Variants in LRP1B observed in about 807,000 individuals in gnomAD.
LRP1B encodes low-density lipoprotein receptor-related protein 1B.
In LRP1B, 217 loss-of-function variants were observed where a neutral mutation model predicts 556.6. That is an observed-to-expected ratio of 0.39 (90% CI 0.35 to 0.44). LRP1B has a LOEUF of 0.44. Ranked by LOEUF, LRP1B falls within the 20% of genes least tolerant of loss-of-function variation. LRP1B has a pLI of 1.00. For missense variants in LRP1B, 5,053 were observed against 5,620.8 expected (o/e 0.90, Z 3.23); for synonymous variants, 2,047 against 1,865.8 (o/e 1.10, Z -2.50).
intron 32 of LRP1B, among the ~76,000 whole-genome samples, chr2:140,805,710 T>A (rs1007488513): frequency 6.6e-6 from 1 of 152,294 alleles, no homozygotes; most frequent in African/African-American, 2.4e-5. Flanking sequence ...CACTAATGGA[T>A]GGATCAACAC....
intron 1 of LRP1B, among the ~76,000 whole-genome samples, chr2:141,840,197 T>A (rs183611134): frequency 6.6e-6 from 1 of 151,824 alleles, no homozygotes; most frequent in African/African-American, 2.4e-5. Context: ...GAGGTTATAT[T>A]TGAAAAAGAA....
chr2:141,990,368 A>T (rs1702310528), intron 1 of LRP1B, among the ~76,000 whole-genome samples: 1 of 152,106 alleles, frequency 6.6e-6, no homozygotes, highest in South Asian at 2.1e-4. Context: ...GATATGAAGC[A>T]TCTCTACATT....
chr2:141,119,152 G>C (rs1268060314), intron 7 of LRP1B, among the ~76,000 whole-genome samples: 3 of 151,842 alleles, frequency 2.0e-5, no homozygotes, highest in Non-Finnish European at 4.4e-5. Flanking sequence ...ACAATTTTGA[G>C]ATAATATAGA....
At chr2:140,491,618 G>A (rs1381212675) in intron 57 of LRP1B, among the ~76,000 whole-genome samples, 4 of 151,936 alleles carry the variant, frequency 2.6e-5, no homozygotes. Context: ...AGATAAACTA[G>A]GAAACTATTT....
At chr2:141,985,526 A>T (rs1702163093) in intron 1 of LRP1B, among the ~76,000 whole-genome samples, 1 of 151,452 alleles carries the variant, frequency 6.6e-6, no homozygotes. Context: ...TGGGGGGGGT[A>T]TCTTTTCCAT....
intron 1 of LRP1B, among the ~76,000 whole-genome samples, chr2:141,821,671 C>T (rs768162087): frequency 1.3e-5 from 2 of 151,802 alleles, no homozygotes; most frequent in Non-Finnish European, 2.9e-5. Flanking sequence ...TGATAATGTC[C>T]TTCACCAAAA....
At chr2:141,660,326 G>C (rs936051988) in intron 2 of LRP1B, among the ~76,000 whole-genome samples, 3 of 152,132 alleles carry the variant, frequency 2.0e-5, no homozygotes, top group Non-Finnish European at 2.9e-5. Flanking sequence ...CCGTGGAGCA[G>C]ATCTCCTCAT....
intron 3 of LRP1B, among the ~76,000 whole-genome samples, chr2:141,266,608 C>T (rs1161599210): frequency 6.6e-6 from 1 of 152,116 alleles, no homozygotes; most frequent in Non-Finnish European, 1.5e-5. Context: ...TAAGAAATCA[C>T]TCAGAGAAAG....
In LRP1B at chr2:140,700,463, T is replaced by C. The variant is rs1348103951; in HGVS notation, c.6586A>G (p.Ile2196Val). ...TCAGAAAGATGTATACTTTTTAATA[T>C]TGTTCTTCCTGAATACAGTAAATAG... ...EGYLLYSGRT[I>V]LKSIHLSDET... The change falls in exon 41 of 91, where the codon ATA becomes GTA. Residue 2196 changes from isoleucine (I) to valine (V), a missense_variant. Physicochemically the swap from Ile to Val is conservative, Grantham distance 29 (BLOSUM62 3). Around this residue, in one of 5 missense-constraint regions of LRP1B, gnomAD observed 3,619 missense variants for 3,931.9 expected, o/e 0.92. Coordinates refer to ENST00000389484, the MANE Select transcript of LRP1B (RefSeq NM_018557.3). 6.2e-7 allele frequency: 1 copy of C among 1,613,508 alleles called. No homozygotes were observed. The highest frequency in any genetic ancestry group is 8.5e-7 in the Non-Finnish European group (1 of 1,179,642).
chr2:140,689,347 A>G (rs1003061641), intron 41 of LRP1B, among the ~76,000 whole-genome samples: 1 of 152,186 alleles, frequency 6.6e-6, no homozygotes, highest in Admixed American at 6.5e-5. Flanking sequence ...CAGTCCAGCT[A>G]TTCTGTACCT....
intron 3 of LRP1B, among the ~76,000 whole-genome samples, chr2:141,387,658 G>C (rs1689879743): frequency 6.6e-6 from 1 of 152,022 alleles, no homozygotes; most frequent in Non-Finnish European, 1.5e-5. Context: ...TAAAGAGATA[G>C]AATCAATAAT....
At chr2:140,866,711 C>T (rs555028685) in intron 27 of LRP1B, among the ~76,000 whole-genome samples, 3 of 152,128 alleles carry the variant, frequency 2.0e-5, no homozygotes, top group East Asian at 3.9e-4. Context: ...ATGAACGCAA[C>T]ACACTGAAGA....
intron 1 of LRP1B, among the ~76,000 whole-genome samples, chr2:142,060,450 T>C (rs1379458411): frequency 6.6e-6 from 1 of 152,100 alleles, no homozygotes; most frequent in Non-Finnish European, 1.5e-5. Context: ...CTGCCTCTGC[T>C]GATCCACCCT....
intron 66 of LRP1B, among the ~76,000 whole-genome samples, chr2:140,442,089 T>C (rs1686453290): frequency 6.6e-6 from 1 of 152,092 alleles, no homozygotes; most frequent in African/African-American, 2.4e-5. Context: ...TGTAATGTAT[T>C]AAAGAATGAC....
intron 31 of LRP1B, among the ~76,000 whole-genome samples, chr2:140,823,694 A>G (rs1691403940): frequency 6.6e-6 from 1 of 151,676 alleles, no homozygotes; most frequent in Non-Finnish European, 1.5e-5. Flanking sequence ...TATATTAAAT[A>G]TAGTTTATAT....
chr2:141,361,489 G>GA (rs1326690724), intron 3 of LRP1B, among the ~76,000 whole-genome samples: 5 of 151,818 alleles, frequency 3.3e-5, no homozygotes, highest in Non-Finnish European at 7.4e-5. Flanking sequence ...ATCTCCTTAG[G>GA]AAAAAAATAT....
chr2:141,121,312 T>A lies in LRP1B; in HGVS notation c.1014-59039A>T, dbSNP rs192383415. 8.9e-4 allele frequency among the ~76,000 whole-genome samples: 135 copies of A among 152,234 alleles called. 1 individual carries two copies. Among genetic ancestry groups the A allele is most frequent in the African/African-American group, 3.0e-3 (126 of 41,574 alleles). On this transcript the variant is annotated intron_variant, in intron 7 of 90. Transcript: ENST00000389484. ...CAGTAGACTATGTATGAGGATTTTATAACATCATCCCATCCAACCTTCATC... is the reference window on the plus strand; with the variant it reads ...CAGTAGACTATGTATGAGGATTTTAAAACATCATCCCATCCAACCTTCATC...
At chr2:140,565,904 T>TA (rs1221527665) in intron 43 of LRP1B, among the ~76,000 whole-genome samples, 2 of 152,082 alleles carry the variant, frequency 1.3e-5, no homozygotes, top group African/African-American at 4.8e-5. Context: ...CTTGGACACT[T>TA]ACAGTACTCA....
chr2:140,549,273 G>A (rs1680457817), intron 43 of LRP1B, among the ~76,000 whole-genome samples: 1 of 152,110 alleles, frequency 6.6e-6, no homozygotes, highest in Non-Finnish European at 1.5e-5. Flanking sequence ...ACTTTGGGTA[G>A]CTGAGAATTT....
Sources: allele counts gnomAD v4.1 joint callset (sites outside exome capture counted in the v4.1 genomes callset), GRCh38; gene constraint gnomAD v4.1.1; regional missense constraint gnomAD v4.1.1; transcripts MANE v1.5; gene names NCBI Gene and HGNC (gene_info 2026-07-23, HGNC 2026-07-21).